THSD7A: variants seen among roughly 807,000 people sequenced by gnomAD.
THSD7A encodes the protein thrombospondin type-1 domain-containing protein 7A.
THSD7A carries 96 observed loss-of-function variants against 231.3 expected under a neutral mutation model. That is an observed-to-expected ratio of 0.41 (90% CI 0.35 to 0.49). The LOEUF (loss-of-function observed/expected upper bound fraction) is 0.49. THSD7A is among the 20% of genes least tolerant of loss of function. The pLI is 0.05. For synonymous variants in THSD7A, 940 were observed against 743.3 expected (o/e 1.26, Z -4.30); for missense variants, 2,290 against 2,070.2 (o/e 1.11, Z -2.06).
At chr7:11,510,869 G>T (rs533107801) in intron 6 of THSD7A, among the ~76,000 whole-genome samples, 1 of 152,022 alleles carries the variant, frequency 6.6e-6, no homozygotes, top group Non-Finnish European at 1.5e-5. Context: ...TTTGAAAACT[G>T]GCACAAGACA....
intron 4 of THSD7A, among the ~76,000 whole-genome samples, chr7:11,564,747 T>C (rs1234045844): frequency 6.6e-6 from 1 of 152,164 alleles, no homozygotes; most frequent in African/African-American, 2.4e-5. Context: ...CACGATGCCA[T>C]ATTTCCTAGA....
At chr7:11,536,656 T>C (rs991126273) in intron 6 of THSD7A, among the ~76,000 whole-genome samples, 1 of 152,176 alleles carries the variant, frequency 6.6e-6, no homozygotes, top group Non-Finnish European at 1.5e-5. Flanking sequence ...TTCTCTTTTC[T>C]GTATTTTGCT....
At chr7:11,414,217 G>A (rs1256058039) in intron 17 of THSD7A, 1 of 152,232 alleles carries the variant, frequency 6.6e-6, no homozygotes, top group Admixed American at 6.5e-5. Context: ...TGACCAAGGA[G>A]TGGTTCTGGG....
At chr7:11,524,621 G>C (rs1788398303) in intron 6 of THSD7A, among the ~76,000 whole-genome samples, 1 of 152,100 alleles carries the variant, frequency 6.6e-6, no homozygotes, top group African/African-American at 2.4e-5. Flanking sequence ...TAGCCAGCCG[G>C]AAACAGAGCT....
chr7:11,428,772 G>A (rs749692177), intron 14 of THSD7A, among the ~76,000 whole-genome samples, 175 bp downstream of exon 14: 2 of 152,072 alleles, frequency 1.3e-5, no homozygotes, highest in Non-Finnish European at 2.9e-5. Flanking sequence ...AGAGAATACA[G>A]ATATGTCTAA....
chr7:11,469,189 G>C (rs1400587318), intron 9 of THSD7A, among the ~76,000 whole-genome samples: 1 of 152,130 alleles, frequency 6.6e-6, no homozygotes, highest in Non-Finnish European at 1.5e-5. Context: ...AGCGTCATTT[G>C]TAACACTGCA....
intron 6 of THSD7A, among the ~76,000 whole-genome samples, chr7:11,499,995 A>G (rs753321039): frequency 4.6e-5 from 7 of 152,162 alleles, no homozygotes; most frequent in Non-Finnish European, 8.8e-5. Context: ...TCACAAGAAG[A>G]TCATCCATCC....
intron 2 of THSD7A, among the ~76,000 whole-genome samples, chr7:11,595,899 G>C (rs1780343196): frequency 6.6e-6 from 1 of 152,234 alleles, no homozygotes; most frequent in Non-Finnish European, 1.5e-5. Context: ...GCAGCAATCA[G>C]AATAGTCTGA....
At chr7:11,376,428 C>A (rs963254496) in intron 27 of THSD7A, 142 bp downstream of exon 27, 44 of 633,722 alleles carry the variant, frequency 6.9e-5, no homozygotes, top group Non-Finnish European at 9.5e-5. Flanking sequence ...TAGCTTTTAG[C>A]CCATCTAGGA....
At position 11,406,115 on chromosome 7, in the gene THSD7A, C is replaced by T. The variant is rs117441797; in HGVS notation, c.4237+185G>A. Among the ~76,000 whole-genome samples, 272 of 152,306 alleles carry T rather than the reference C, an allele frequency of 1.8e-3. 1 individual carries two copies. The highest frequency in any genetic ancestry group is 4.8e-3 in the South Asian group (23 of 4,826). ...GCCACATGGGAGACCTGGACTTCAA[C>T]CCTACCTGGCAGTAATGAGACAGCG... On this transcript the variant is annotated intron_variant, in intron 22 of 27. Coordinates refer to ENST00000423059, the MANE Select transcript of THSD7A (RefSeq NM_015204.3). The surrounding 1 kb of genome is among the most constrained non-coding windows in gnomAD (Gnocchi z 4.7).
intron 6 of THSD7A, among the ~76,000 whole-genome samples, chr7:11,482,885 TAATA>T (rs1352996058): frequency 6.6e-6 from 1 of 152,152 alleles, no homozygotes; most frequent in Non-Finnish European, 1.5e-5. Context: ...TTGTTGCTGT[TAATA>T]AATGCCAAAA....
intron 17 of THSD7A, among the ~76,000 whole-genome samples, chr7:11,416,552 C>T (rs1783966216): frequency 6.6e-6 from 1 of 152,106 alleles, no homozygotes; most frequent in African/African-American, 2.4e-5. Flanking sequence ...TTGTTTTATT[C>T]CTGCTGTATC....
intron 6 of THSD7A, among the ~76,000 whole-genome samples, chr7:11,494,718 T>C (rs1028538474): frequency 3.3e-5 from 5 of 152,014 alleles, no homozygotes; most frequent in African/African-American, 1.2e-4. Flanking sequence ...AGGCAGGATT[T>C]CTAGTCCATA....
At chr7:11,802,331 G>A (rs1386519626) in intron 1 of THSD7A, among the ~76,000 whole-genome samples, 1 of 152,148 alleles carries the variant, frequency 6.6e-6, no homozygotes, top group Non-Finnish European at 1.5e-5. Context: ...TGTAAGGAAA[G>A]GAGATATGCA....
In THSD7A at chr7:11,406,396, T is replaced by C. The variant is rs954319842; in HGVS notation, c.4141A>G (p.Lys1381Glu). 1.2e-6 allele frequency: 2 copies of C among 1,613,998 alleles called. No homozygotes were observed. The highest frequency in any genetic ancestry group is 1.7e-6 in the Non-Finnish European group (2 of 1,179,870). Residue 1381 changes from lysine to glutamate, a missense_variant, in exon 22 of 28, where the codon AAA becomes GAA. Transcript: ENST00000423059. The surrounding 1 kb of genome is among the most constrained non-coding windows in gnomAD (Gnocchi z 4.7). ...GCACAGAATTCCTCATCCACCACTT[T>C]GCTGAAATCATCAGCTGACCCATCA... ...VSDGSADDFS[K>E]VVDEEFCADI... is the part of the protein sequence containing the mutation.
At chr7:11,425,203 C>A (rs1784279252) in intron 15 of THSD7A, among the ~76,000 whole-genome samples, 1 of 152,042 alleles carries the variant, frequency 6.6e-6, no homozygotes, top group South Asian at 2.1e-4. Context: ...GTTAGGTACT[C>A]AATAGGGATT....
intron 2 of THSD7A, among the ~76,000 whole-genome samples, chr7:11,620,022 A>C (rs1161374088): frequency 6.6e-6 from 1 of 152,188 alleles, no homozygotes; most frequent in African/African-American, 2.4e-5. Context: ...AGATAAAAAG[A>C]ATAAGTTGGC....
chr7:11,817,066 T>G (rs1784724039), intron 1 of THSD7A, among the ~76,000 whole-genome samples: 1 of 152,198 alleles, frequency 6.6e-6, no homozygotes, highest in Admixed American at 6.5e-5. Flanking sequence ...AATAGCTGTC[T>G]CTCTTTCAAG....
chr7:11,593,501 A>G lies in THSD7A; in HGVS notation c.1024T>C (p.Phe342Leu), dbSNP rs778047047. Residue 342 changes from phenylalanine to leucine, a missense_variant and splice_region_variant, in exon 3 of 28, where the codon TTT becomes CTT. Phe to Leu is a conservative substitution (Grantham distance 22). Coordinates refer to ENST00000423059, the MANE Select transcript of THSD7A (RefSeq NM_015204.3). ...NKTGKAADLSFCQQEKLPMTF... is the reference protein window; with the variant it reads ...NKTGKAADLSLCQQEKLPMTF... ...ATTGGAAGCTTCTCTTGCTGGCAAA[A>G]GCTGTAAAAGAGCATTGATATTCTC... The G allele has an allele frequency of 4.3e-6, 7 of 1,613,580 alleles. No homozygotes were observed. In the African/African-American group the frequency reaches 9.3e-5, roughly 22 times the overall value.
Sources: allele counts gnomAD v4.1 joint callset (sites outside exome capture counted in the v4.1 genomes callset), GRCh38; gene constraint gnomAD v4.1.1; non-coding constraint Gnocchi (gnomAD v3.1); transcripts MANE v1.5; gene names NCBI Gene and HGNC (gene_info 2026-07-23, HGNC 2026-07-21).